The following OSBPL1A variants were observed in gnomAD, a reference collection of about 807,000 sequenced individuals.
OSBPL1A encodes the protein oxysterol-binding protein-related protein 1.
OSBPL1A carries 80 observed loss-of-function variants against 137.1 expected under a neutral mutation model. The ratio of observed to expected loss-of-function variants is 0.58; its 90% CI spans 0.49 to 0.70. The LOEUF is 0.70. Ranked by LOEUF, OSBPL1A falls within the 30% of genes least tolerant of loss-of-function variation. The pLI is 0.00. For synonymous variants in OSBPL1A, 365 were observed against 389.7 expected, an observed-to-expected ratio of 0.94 and a Z score of 0.75; for missense variants, 970 against 1,129.4, an observed-to-expected ratio of 0.86 and a Z score of 2.02.
chr18:24,223,850 CT>C (rs1438035480), intron 17 of OSBPL1A, among the ~76,000 whole-genome samples: 1 of 152,134 alleles, frequency 6.6e-6, no homozygotes, highest in Non-Finnish European at 1.5e-5. Context: ...CACCTGTGTT[CT>C]CATCAGACTG....
At chr18:24,270,289 C>G (rs2089686371) in intron 15 of OSBPL1A, among the ~76,000 whole-genome samples, 1 of 152,126 alleles carries the variant, frequency 6.6e-6, no homozygotes, top group South Asian at 2.1e-4. Flanking sequence ...CAGTTATGCA[C>G]AATATTTAAA....
chr18:24,269,789 C>T (rs963456726), intron 15 of OSBPL1A, among the ~76,000 whole-genome samples: 1 of 149,288 alleles, frequency 6.7e-6, no homozygotes, highest in African/African-American at 2.5e-5. Context: ...AGTCTTGGTA[C>T]CATCGTGAGA....
chr18:24,375,383 C>G (rs915827076), intron 2 of OSBPL1A, among the ~76,000 whole-genome samples: 16 of 150,272 alleles, frequency 1.1e-4, no homozygotes, highest in Non-Finnish European at 1.8e-4. Context: ...CTCCCCATAC[C>G]TCCCAGAACA....
At chr18:24,358,976 G>T (rs1253230691) in intron 4 of OSBPL1A, among the ~76,000 whole-genome samples, 2 of 152,192 alleles carry the variant, frequency 1.3e-5, no homozygotes, top group African/African-American at 4.8e-5. Flanking sequence ...CAGCACTTTG[G>T]GAGGCTAAGG....
chr18:24,224,979 T>C, intron 17 of OSBPL1A, 63 bp downstream of exon 17: 3 of 1,590,072 alleles, frequency 1.9e-6, no homozygotes, highest in Non-Finnish European at 2.6e-6. Flanking sequence ...TATATTTCTT[T>C]ATGAATCCAA....
intron 14 of OSBPL1A, among the ~76,000 whole-genome samples, chr18:24,290,996 C>T (rs2090165767): frequency 6.6e-6 from 1 of 152,096 alleles, no homozygotes; most frequent in Non-Finnish European, 1.5e-5. Flanking sequence ...GCAGAGAAAC[C>T]TTTACAGCCT....
At chr18:24,258,846 A>G (rs2089361487) in intron 15 of OSBPL1A, among the ~76,000 whole-genome samples, 1 of 151,842 alleles carries the variant, frequency 6.6e-6, no homozygotes, top group Non-Finnish European at 1.5e-5. Flanking sequence ...TGTGTAAGCT[A>G]TATAAAAATA....
At chr18:24,251,550 G>A (rs1659998420) in intron 15 of OSBPL1A, among the ~76,000 whole-genome samples, 1 of 152,088 alleles carries the variant, frequency 6.6e-6, no homozygotes, top group Non-Finnish European at 1.5e-5. Context: ...ATCATTATTG[G>A]GCTTGGGACC....
At chr18:24,346,584 G>T (rs2091349403) in intron 4 of OSBPL1A, among the ~76,000 whole-genome samples, 2 of 151,994 alleles carry the variant, frequency 1.3e-5, no homozygotes, top group Admixed American at 1.3e-4. Flanking sequence ...TTTTGTGTCT[G>T]GCTTCTTTCA....
chr18:24,368,352 C>T lies in OSBPL1A; in HGVS notation c.142G>A (p.Gly48Ser), dbSNP rs751088457. Residue 48 changes from glycine to serine, a missense_variant, in exon 3 of 28, where the codon GGC becomes AGC. This residue lies in a region of OSBPL1A where 647 missense variants were observed against 672.6 expected (regional missense o/e 0.96). Coordinates refer to ENST00000319481, the MANE Select transcript of OSBPL1A (RefSeq NM_080597.4). ...NCKGRSKSNL[G>S]WTPLHLACYF... is the part of the protein sequence containing the mutation. ...CATGCCAGATGTAGAGGTGTCCAGCCCAAGTTAGACTTACTTCTTCCTAAA... is the reference window on the plus strand; with the variant it reads ...CATGCCAGATGTAGAGGTGTCCAGCTCAAGTTAGACTTACTTCTTCCTAAA... 3.7e-6 allele frequency: 6 copies of T among 1,613,186 alleles called. No homozygotes were observed. The highest frequency in any genetic ancestry group is 5.1e-6 in the Non-Finnish European group (6 of 1,179,318).
intron 4 of OSBPL1A, among the ~76,000 whole-genome samples, chr18:24,348,597 A>T (rs1385254524): frequency 6.6e-6 from 1 of 151,984 alleles, no homozygotes; most frequent in African/African-American, 2.4e-5. Flanking sequence ...ACATGGTGAA[A>T]CCCCATCTCT....
intron 17 of OSBPL1A, among the ~76,000 whole-genome samples, chr18:24,198,503 C>T (rs1331347294): frequency 6.6e-6 from 1 of 152,066 alleles, no homozygotes; most frequent in African/African-American, 2.4e-5. Context: ...AACCAGAAAG[C>T]AGAGGGGAAG....
intron 17 of OSBPL1A, among the ~76,000 whole-genome samples, chr18:24,199,334 G>A (rs577906920): frequency 2.6e-5 from 4 of 152,208 alleles, no homozygotes; most frequent in South Asian, 2.1e-4. Context: ...TTGGAATATC[G>A]GAGAGAGGGC....
At chr18:24,388,630 T>C (rs1367753887) in intron 1 of OSBPL1A, among the ~76,000 whole-genome samples, 1 of 151,682 alleles carries the variant, frequency 6.6e-6, no homozygotes. Context: ...CGAAACTCCG[T>C]CTCTACTAAA....
At chr18:24,323,378 T>C (rs12953615) in intron 7 of OSBPL1A, among the ~76,000 whole-genome samples, 19,603 of 145,864 alleles carry the variant, frequency 0.13, 1,376 homozygotes, top group Middle Eastern at 0.17. Context: ...CATGATGAAA[T>C]CCCATTTCTA....
At chr18:24,311,838 C>A in intron 13 of OSBPL1A, 146 bp downstream of exon 13, 1 of 914,470 alleles carries the variant, frequency 1.1e-6, no homozygotes, top group Non-Finnish European at 1.7e-6. Flanking sequence ...AAGCTACCAA[C>A]ACAATGCAAC....
intron 14 of OSBPL1A, among the ~76,000 whole-genome samples, chr18:24,294,334 C>T (rs1042881421): frequency 8.6e-5 from 13 of 151,818 alleles, no homozygotes; most frequent in African/African-American, 2.2e-4. Flanking sequence ...TGGGTTCAAG[C>T]GATTCTTCTG....
chr18:24,175,107 T>TAC lies in OSBPL1A; in HGVS notation c.2094-2625_2094-2624insGT, dbSNP rs1491489795. Reference sequence around the variant, plus strand: ...TTCATGTGCTTATTTGCCATGTGTATGTATATATATATATATATATATATA... The same window carrying TAC: ...TTCATGTGCTTATTTGCCATGTGTATACGTATATATATATATATATATATATA... On this transcript the variant is annotated intron_variant, in intron 21 of 27. Coordinates refer to ENST00000319481, the MANE Select transcript of OSBPL1A (RefSeq NM_080597.4). Among the ~76,000 whole-genome samples, 153 of 23,158 alleles carry TAC rather than the reference T, an allele frequency of 6.6e-3. 2 individuals carry two copies. The highest frequency in any genetic ancestry group is 0.015 in the African/African-American group (143 of 9,314). 15.2% of individuals were successfully genotyped at this position (23,158 alleles called of 152,430 possible). A position where few individuals can be genotyped will look rare whatever the true frequency, so the allele number is the denominator to read the frequency against.
intron 4 of OSBPL1A, chr18:24,358,424 C>G (rs1280978530): frequency 4.3e-6 from 3 of 701,050 alleles, no homozygotes; most frequent in Non-Finnish European, 7.8e-6. Flanking sequence ...TCCACTTCTT[C>G]CCCACCCTCG....
Sources: allele counts gnomAD v4.1 joint callset (sites outside exome capture counted in the v4.1 genomes callset), GRCh38; gene constraint gnomAD v4.1.1; regional missense constraint gnomAD v4.1.1; transcripts MANE v1.5; gene names NCBI Gene and HGNC (gene_info 2026-07-23, HGNC 2026-07-21).